LHX2: variants seen among roughly 807,000 people sequenced by gnomAD.
LHX2 encodes the protein LIM homeobox 2.
LHX2 carries 6 observed loss-of-function variants against 33.0 expected under a neutral mutation model. That is an observed-to-expected ratio of 0.18 (90% CI 0.10 to 0.36). The LOEUF is 0.36. Among genes scored for constraint, LHX2 ranks in the 10% least tolerant of loss-of-function variants. LHX2 has a pLI of 1.00. For missense variants in LHX2, 442 were observed against 586.2 expected, an observed-to-expected ratio of 0.75 and a Z score of 2.54; for synonymous variants, 292 against 253.1, an observed-to-expected ratio of 1.15 and a Z score of -1.46.
At position 124,012,707 on chromosome 9, in the gene LHX2, C is replaced by G. The variant is rs1463270083; in HGVS notation, c.120+239C>G. Among the ~76,000 whole-genome samples the G allele has an allele frequency of 6.6e-6, 1 of 152,248 alleles. No homozygotes were observed. Among genetic ancestry groups the G allele is most frequent in the Admixed American group, 6.5e-5 (1 of 15,294 alleles). ...GCCCTGGGGGTAGAGGAGAGCGTTT[C>G]TTCCGAACTGGAAGCGAAGTCCCAT... On this transcript the variant is annotated intron_variant, in intron 1 of 4. Coordinates refer to ENST00000373615, the MANE Select transcript of LHX2 (RefSeq NM_004789.4). This position sits in a 1 kb window ranked among gnomAD's most constrained non-coding sequence, Gnocchi z 4.3.
Position 124,015,634 on chromosome 9 carries a change from A to G in LHX2, c.727+109A>G. 8.0e-7 allele frequency: 1 copy of G among 1,247,818 alleles called. No homozygotes were observed. The highest frequency in any genetic ancestry group is 1.1e-6 in the Non-Finnish European group (1 of 932,016). The allele number at this position is 1,247,818 out of a possible 1,614,324, so 77.3% of individuals were successfully genotyped here. On this transcript the variant is annotated intron_variant, in intron 3 of 4. Coordinates refer to ENST00000373615, the MANE Select transcript of LHX2 (RefSeq NM_004789.4). This position sits in a 1 kb window ranked among gnomAD's most constrained non-coding sequence, Gnocchi z 7.9. ...GTGTGCTGGGCAAATAGCGAGCCTTAAGCACCGGACGGCCTCGCAGAAGGG... is the reference window on the plus strand; with the variant it reads ...GTGTGCTGGGCAAATAGCGAGCCTTGAGCACCGGACGGCCTCGCAGAAGGG...
intron 4 of LHX2, among the ~76,000 whole-genome samples, chr9:124,029,191 G>A (rs1360751275): frequency 6.6e-6 from 1 of 152,136 alleles, no homozygotes; most frequent in Non-Finnish European, 1.5e-5. Context: ...CCACCTACTT[G>A]GCTTTTCATG....
At chr9:124,027,620 C>T (rs1332638697) in intron 4 of LHX2, among the ~76,000 whole-genome samples, 1 of 151,990 alleles carries the variant, frequency 6.6e-6, no homozygotes, top group Non-Finnish European at 1.5e-5. Flanking sequence ...AGGTGGAGAC[C>T]ATCCTGGCTA....
intron 1 of LHX2, 44 bp from the exon 2 acceptor site, chr9:124,013,916 TG>T (rs1859136947): frequency 2.5e-6 from 4 of 1,585,000 alleles, no homozygotes; most frequent in Non-Finnish European, 3.4e-6. Context: ...GAGGGGCCGC[TG>T]GCTGACGCAG....
At chr9:124,025,792 T>C in intron 4 of LHX2, among the ~76,000 whole-genome samples, 1 of 152,084 alleles carries the variant, frequency 6.6e-6, no homozygotes, top group African/African-American at 2.4e-5. Flanking sequence ...GAGACCAGCC[T>C]GGCCAACATG....
At position 124,032,535 on chromosome 9, in the gene LHX2, C is replaced by T; in HGVS notation, c.1049C>T (p.Ala350Val). The change falls in exon 5 of 5, where the codon GCC becomes GTC. Residue 350 changes from alanine (A) to valine (V), a missense_variant. Ala to Val is a moderately conservative substitution (Grantham distance 64). Around this residue, in one of 5 missense-constraint regions of LHX2, gnomAD observed 109 missense variants for 98.7 expected, o/e 1.10. Transcript: ENST00000373615. The surrounding 1 kb of genome is among the most constrained non-coding windows in gnomAD (Gnocchi z 4.1). ...ALQTGTPSGP[A>V]SELSNASLSP... Reference sequence around the variant, plus strand: ...CAGACAGGGACGCCATCGGGCCCGGCCTCGGAGCTCTCCAACGCCTCGCTC... The same window carrying T: ...CAGACAGGGACGCCATCGGGCCCGGTCTCGGAGCTCTCCAACGCCTCGCTC... The T allele has an allele frequency of 1.2e-6, 2 of 1,613,972 alleles. No homozygotes were observed. Among genetic ancestry groups the T allele is most frequent in the Non-Finnish European group, 8.5e-7 (1 of 1,179,976 alleles).
intron 3 of LHX2, 22 bp from the exon 4 acceptor site, chr9:124,021,077 C>T (rs1243918132): frequency 1.9e-5 from 30 of 1,611,548 alleles, no homozygotes; most frequent in Non-Finnish European, 2.5e-5. Flanking sequence ...GTTCACCCAC[C>T]GGCTCTGTGT....
chr9:124,027,719 G>A (rs1304477530), intron 4 of LHX2, among the ~76,000 whole-genome samples: 1 of 152,128 alleles, frequency 6.6e-6, no homozygotes, highest in Non-Finnish European at 1.5e-5. Context: ...TTGGGAGGCT[G>A]AGGCAGGAGA....
rs1385295889 is a variant in LHX2, at chr9:124,015,290, C to T, written c.492C>T (p.Tyr164=). The change falls in exon 3 of 5, where the codon TAC becomes TAT. Residue 164 remains tyrosine, a synonymous_variant. Coordinates refer to ENST00000373615, the MANE Select transcript of LHX2 (RefSeq NM_004789.4). This position sits in a 1 kb window ranked among gnomAD's most constrained non-coding sequence, Gnocchi z 7.9. ...DHFGMKDSLV[Y]CRLHFEALLQ... is the part of the protein sequence containing the mutation. ...TCGGCATGAAGGACAGCCTGGTCTA[C>T]TGCCGCTTGCACTTCGAGGCGCTGC... is the stretch of plus-strand genomic sequence containing the variant. The T allele has an allele frequency of 6.2e-7, 1 of 1,614,026 alleles. No individual in the cohort carries two copies. The highest frequency in any genetic ancestry group is 8.5e-7 in the Non-Finnish European group (1 of 1,180,054).
intron 3 of LHX2, among the ~76,000 whole-genome samples, chr9:124,020,706 T>C (rs977119089): frequency 4.6e-5 from 7 of 152,194 alleles, no homozygotes; most frequent in Non-Finnish European, 8.8e-5. Flanking sequence ...CCTAGGATTG[T>C]TTTAAGTACC....
At position 124,015,952 on chromosome 9, in the gene LHX2, G is replaced by T. The variant is rs1312640032; in HGVS notation, c.727+427G>T. Among the ~76,000 whole-genome samples the T allele has an allele frequency of 3.9e-5, 6 of 152,238 alleles. No individual in the cohort carries two copies. Among genetic ancestry groups the T allele is most frequent in the Non-Finnish European group, 2.9e-5 (2 of 68,036 alleles). ...GCGAGGGTCCCAAGAGAAAGGGCTGGCTGTGGCCCGGGGCGCCGAGCTCGG... is the reference window on the plus strand; with the variant it reads ...GCGAGGGTCCCAAGAGAAAGGGCTGTCTGTGGCCCGGGGCGCCGAGCTCGG... On this transcript the variant is annotated intron_variant, in intron 3 of 4. Coordinates refer to ENST00000373615, the MANE Select transcript of LHX2 (RefSeq NM_004789.4). This position sits in a 1 kb window ranked among gnomAD's most constrained non-coding sequence, Gnocchi z 7.9.
chr9:124,024,515 G>A (rs1458022172), intron 4 of LHX2, among the ~76,000 whole-genome samples: 1 of 152,198 alleles, frequency 6.6e-6, no homozygotes, highest in Non-Finnish European at 1.5e-5. Flanking sequence ...AGATTTGGAT[G>A]TTTTAATTTC....
In LHX2 at chr9:124,016,209, A is replaced by G. The variant is rs1859187680; in HGVS notation, c.727+684A>G. ...CCCCGGGCGGGGACGAGACCGGAGC[A>G]GGCCTGGCCTCGCGCCGGGGTGGGG... On this transcript the variant is annotated intron_variant, in intron 3 of 4. Coordinates refer to ENST00000373615, the MANE Select transcript of LHX2 (RefSeq NM_004789.4). This position sits in a 1 kb window ranked among gnomAD's most constrained non-coding sequence, Gnocchi z 4.4. Among the ~76,000 whole-genome samples the G allele has an allele frequency of 1.0e-5, 1 of 99,498 alleles. No homozygotes were observed. Among genetic ancestry groups the G allele is most frequent in the Non-Finnish European group, 1.9e-5 (1 of 53,092 alleles). The allele number at this position is 99,498 out of a possible 152,430, so 65.3% of individuals were successfully genotyped here. A position where few individuals can be genotyped will look rare whatever the true frequency, so the allele number is the denominator to read the frequency against.
rs1828724811 is a variant in LHX2, at chr9:124,033,285, A to C, written c.*578A>C. On this transcript the variant is annotated 3_prime_UTR_variant, in exon 5 of 5. Coordinates refer to ENST00000373615, the MANE Select transcript of LHX2 (RefSeq NM_004789.4). The stretch of plus-strand genomic sequence containing the variant: ...TTTGTAAAATCTAACCAGTAATAAA[A>C]CCACTTATTGAAACTACTTGGGGCT... The C allele has an allele frequency of 6.6e-6, 1 of 152,228 alleles. No individual in the cohort carries two copies. Among genetic ancestry groups the C allele is most frequent in the Non-Finnish European group, 1.5e-5 (1 of 68,046 alleles). The allele number at this position is 152,228 out of a possible 1,614,324, so 9.4% of individuals were successfully genotyped here.
chr9:124,026,223 C>T (rs7468386), intron 4 of LHX2, among the ~76,000 whole-genome samples: 2,591 of 152,222 alleles, frequency 0.017, 48 homozygotes, highest in East Asian at 0.057. Flanking sequence ...CTTTGGGAGG[C>T]GGAGGCGGGT....
Position 124,032,994 on chromosome 9 carries a change from A to G in LHX2, c.*287A>G. 3.5e-6 allele frequency: 1 copy of G among 286,998 alleles called. No individual in the cohort carries two copies. The highest frequency in any genetic ancestry group is 6.4e-6 in the Non-Finnish European group (1 of 156,168). 17.8% of individuals were successfully genotyped at this position (286,998 alleles called of 1,614,324 possible). The stretch of plus-strand genomic sequence containing the variant: ...AATTTAAGTTGGCTAGAGCTTCTGT[A>G]TTTTCAAAGACTGCCACGTGCCTTA... On this transcript the variant is annotated 3_prime_UTR_variant, in exon 5 of 5. Coordinates refer to ENST00000373615, the MANE Select transcript of LHX2 (RefSeq NM_004789.4). The surrounding 1 kb of genome is among the most constrained non-coding windows in gnomAD (Gnocchi z 4.1).
At chr9:124,017,959 G>T (rs950740723) in intron 3 of LHX2, among the ~76,000 whole-genome samples, 1 of 151,856 alleles carries the variant, frequency 6.6e-6, no homozygotes, top group African/African-American at 2.4e-5. Context: ...CCCGGGCCGC[G>T]CACTTTGCGC....
At chr9:124,026,453 T>C (rs377725024) in intron 4 of LHX2, among the ~76,000 whole-genome samples, 39 of 145,978 alleles carry the variant, frequency 2.7e-4, no homozygotes, top group African/African-American at 1.0e-3. Flanking sequence ...AGAGCAAGAC[T>C]CTGTCTCAAA....
intron 3 of LHX2, among the ~76,000 whole-genome samples, 162 bp from the exon 4 acceptor site, chr9:124,020,937 T>G (rs1859281127): frequency 6.6e-6 from 1 of 152,174 alleles, no homozygotes; most frequent in South Asian, 2.1e-4. Flanking sequence ...TGAGCCTCAG[T>G]GTTTCCATCT....
Sources: allele counts gnomAD v4.1 joint callset (sites outside exome capture counted in the v4.1 genomes callset), GRCh38; gene constraint gnomAD v4.1.1; regional missense constraint gnomAD v4.1.1; non-coding constraint Gnocchi (gnomAD v3.1); transcripts MANE v1.5; gene names NCBI Gene and HGNC (gene_info 2026-07-23, HGNC 2026-07-21).